The following MYO9B variants were observed in gnomAD, a reference collection of about 807,000 sequenced individuals.
MYO9B encodes the protein unconventional myosin-IXb.
Under a neutral mutation model 229.5 loss-of-function variants are expected in MYO9B, and 71 were observed. That is an observed-to-expected ratio of 0.31 (90% CI 0.26 to 0.38). MYO9B has a LOEUF of 0.38. MYO9B is among the 10% of genes least tolerant of loss of function. MYO9B has a pLI of 1.00. For synonymous variants in MYO9B, 1,185 were observed against 1,235.8 expected (o/e 0.96, Z 0.86); for missense variants, 2,255 against 2,920.5 (o/e 0.77, Z 5.25).
intron 13 of MYO9B, 75 bp from the exon 14 acceptor site, chr19:17,175,588 A>C (rs1428700651): frequency 3.3e-6 from 4 of 1,219,602 alleles, no homozygotes; most frequent in East Asian, 5.4e-5. Flanking sequence ...CAAATAAATA[A>C]ATAAAATGGG....
intron 2 of MYO9B, among the ~76,000 whole-genome samples, chr19:17,129,443 C>T (rs1295327048): frequency 6.6e-6 from 1 of 152,138 alleles, no homozygotes; most frequent in Non-Finnish European, 1.5e-5. Context: ...CATCAAGGCT[C>T]CGGGAAGTGA....
chr19:17,120,261 C>T (rs545391781), intron 2 of MYO9B, among the ~76,000 whole-genome samples: 1 of 152,308 alleles, frequency 6.6e-6, no homozygotes. Flanking sequence ...TACCATTCAG[C>T]GTTGGAGTGA....
At chr19:17,201,289 G>A (rs537358297) in intron 26 of MYO9B, among the ~76,000 whole-genome samples, 1 of 150,410 alleles carries the variant, frequency 6.6e-6, no homozygotes, top group East Asian at 2.0e-4. Context: ...AGCACTGTGT[G>A]CAACAGAAGT....
intron 24 of MYO9B, among the ~76,000 whole-genome samples, chr19:17,199,130 G>A (rs1246729072): frequency 6.6e-6 from 1 of 152,098 alleles, no homozygotes; most frequent in Non-Finnish European, 1.5e-5. Context: ...TTGAGGCCAA[G>A]AGATCAAGCC....
At position 17,212,146 on chromosome 19, in the gene MYO9B, C is replaced by G; in HGVS notation, c.6310C>G (p.Pro2104Ala). 2 of 1,588,196 alleles carry G rather than the reference C, an allele frequency of 1.3e-6. No homozygotes were observed. Among genetic ancestry groups the G allele is most frequent in the Non-Finnish European group, 1.7e-6 (2 of 1,168,386 alleles). Residue 2104 changes from proline to alanine, a missense_variant, in exon 40 of 40, where the codon CCG (proline) becomes GCG (alanine). Pro to Ala is a conservative substitution (Grantham distance 27, BLOSUM62 -1). Transcript: ENST00000682292. This position sits in a 1 kb window ranked among gnomAD's most constrained non-coding sequence, Gnocchi z 5.4. ...VRRREPPARR[P>A]DQIHSVYITP... is the part of the protein sequence containing the mutation. ...GCGCCGGGAGCCACCTGCCCGCCGC[C>G]CGGACCAGATACATTCCGTGTACAT...
intron 13 of MYO9B, among the ~76,000 whole-genome samples, chr19:17,175,327 A>G (rs981813631): frequency 1.5e-4 from 23 of 151,210 alleles, no homozygotes; most frequent in Non-Finnish European, 2.6e-4. Flanking sequence ...ACTCATGCCT[A>G]TAATCCCAGG....
chr19:17,130,187 T>C (rs2072176557), intron 2 of MYO9B, among the ~76,000 whole-genome samples: 1 of 152,044 alleles, frequency 6.6e-6, no homozygotes, highest in African/African-American at 2.4e-5. Flanking sequence ...TATAGAATTT[T>C]TGACCAGGCA....
At chr19:17,114,472 C>T (rs1190667456) in intron 2 of MYO9B, among the ~76,000 whole-genome samples, 3 of 151,992 alleles carry the variant, frequency 2.0e-5, no homozygotes, top group Non-Finnish European at 4.4e-5. Context: ...ATGAAGCGGC[C>T]CTAGGTGCGT....
intron 5 of MYO9B, 91 bp from the exon 6 acceptor site, chr19:17,154,224 C>T (rs1450937423): frequency 4.4e-6 from 6 of 1,379,096 alleles, no homozygotes; most frequent in Non-Finnish European, 5.1e-6. Context: ...GGTCCTGGGG[C>T]CCTGCCCCAC....
intron 2 of MYO9B, among the ~76,000 whole-genome samples, chr19:17,134,593 G>A (rs988348599): frequency 4.6e-5 from 7 of 151,398 alleles, no homozygotes; most frequent in African/African-American, 1.7e-4. Flanking sequence ...ATTTTACCAC[G>A]TTAACCAGGT....
At chr19:17,184,129 G>A in intron 16 of MYO9B, 1 of 520,816 alleles carries the variant, frequency 1.9e-6, no homozygotes, top group Non-Finnish European at 3.4e-6. Context: ...CAGAGAGAAG[G>A]GGTGAGGGAG....
At chr19:17,142,612 G>A (rs191285674) in intron 2 of MYO9B, among the ~76,000 whole-genome samples, 38 of 152,166 alleles carry the variant, frequency 2.5e-4, no homozygotes, top group Admixed American at 2.1e-3. Context: ...CAAAGAGCCC[G>A]ATAGGCAATA....
intron 7 of MYO9B, among the ~76,000 whole-genome samples, chr19:17,158,266 G>C (rs903163082): frequency 1.6e-4 from 25 of 152,104 alleles, no homozygotes; most frequent in African/African-American, 6.0e-4. Flanking sequence ...GCATCTGCTG[G>C]GATATTTAGA....
chr19:17,133,354 C>A (rs2072226722), intron 2 of MYO9B, among the ~76,000 whole-genome samples: 3 of 152,134 alleles, frequency 2.0e-5, no homozygotes, highest in Admixed American at 6.6e-5. Flanking sequence ...CCATGTTATA[C>A]AATAGATCGC....
At chr19:17,085,972 C>G (rs535703002) in intron 1 of MYO9B, among the ~76,000 whole-genome samples, 1 of 152,294 alleles carries the variant, frequency 6.6e-6, no homozygotes, top group Admixed American at 6.5e-5. Flanking sequence ...CCAGCCACCA[C>G]CCAGTGGCTC....
chr19:17,156,798 C>G, intron 6 of MYO9B, 111 bp from the exon 7 acceptor site: 1 of 1,281,900 alleles, frequency 7.8e-7, no homozygotes, highest in South Asian at 1.5e-5. Flanking sequence ...AAATTTCATG[C>G]GTTCCGACCA....
rs751118118 is a variant in MYO9B at position 17,185,985 on chromosome 19, G to T, written c.2561G>T (p.Arg854Leu). The T allele has an allele frequency of 1.2e-6, 2 of 1,613,766 alleles. No homozygotes were observed. The highest frequency in any genetic ancestry group is 1.7e-6 in the Non-Finnish European group (2 of 1,179,742). The stretch of plus-strand genomic sequence containing the variant: ...GAGCCCTTCTTTATCCGCTGCATCC[G>T]TTCCAATGCTGAAAAGGTGAGTTTC... ...KAEPFFIRCIRSNAEKKELCF... is the reference protein window; with the variant it reads ...KAEPFFIRCILSNAEKKELCF... Residue 854 changes from arginine (R) to leucine (L), a missense_variant, in exon 18 of 40, where the codon CGT (arginine) becomes CTT (leucine). Arg to Leu is a moderately radical substitution (Grantham distance 102, BLOSUM62 -2). Around this residue, in one of 7 missense-constraint regions of MYO9B, gnomAD observed 68 missense variants for 133.5 expected, o/e 0.51. Transcript: ENST00000682292.
At chr19:17,119,258 A>G (rs1020776613) in intron 2 of MYO9B, among the ~76,000 whole-genome samples, 1 of 152,228 alleles carries the variant, frequency 6.6e-6, no homozygotes, top group Admixed American at 6.5e-5. Context: ...CTTCAGTGCC[A>G]GCGCACAGCA....
Position 17,202,844 on chromosome 19 carries a change from G to A in MYO9B, c.4839G>A (p.Gln1613=). ...YTKNDFEPVK[Q]SKAQKKKRKQ... ...CCTCCTCCTTGTGTTCCTCACAGCA[G>A]AGCAAAGCTCAGAAGAAGAAGCGGA... The change falls in exon 29 of 40, where the codon CAG becomes CAA. Residue 1613 remains glutamine (Q), a splice_region_variant and synonymous_variant. Transcript: ENST00000682292. 1 of 1,596,560 alleles carries A rather than the reference G, an allele frequency of 6.3e-7. No individual in the cohort carries two copies. Among genetic ancestry groups the A allele is most frequent in the East Asian group, 2.3e-5 (1 of 43,850 alleles).
Sources: gnomAD v4.1 joint callset for allele counts (sites outside exome capture counted in the v4.1 genomes callset) on GRCh38, gnomAD v4.1.1 for gene constraint, gnomAD v4.1.1 regional missense constraint, Gnocchi (gnomAD v3.1) non-coding constraint, MANE v1.5 for transcripts, NCBI Gene and HGNC (gene_info 2026-07-23, HGNC 2026-07-21) for gene names.